Variants in TMEM132C observed in about 807,000 individuals in gnomAD.
TMEM132C encodes transmembrane protein 132C.
In TMEM132C, 29 loss-of-function variants were observed where a neutral mutation model predicts 61.4. The ratio of observed to expected loss-of-function variants is 0.47; its 90% CI spans 0.35 to 0.64. The LOEUF (loss-of-function observed/expected upper bound fraction) is 0.64. TMEM132C is among the 30% of genes least tolerant of loss of function. The pLI is 0.00. For synonymous variants in TMEM132C, 656 were observed against 633.1 expected (o/e 1.04, Z -0.54); for missense variants, 1,408 against 1,476.9 (o/e 0.95, Z 0.76).
chr12:128,281,356 G>A (rs1870890898), intron 1 of TMEM132C, among the ~76,000 whole-genome samples: 1 of 152,156 alleles, frequency 6.6e-6, no homozygotes, highest in African/African-American at 2.4e-5. Context: ...GGTCCTGTTT[G>A]GGAGGCAAGA....
intron 3 of TMEM132C, among the ~76,000 whole-genome samples, chr12:128,588,308 T>G (rs1440053064): frequency 2.6e-5 from 4 of 152,180 alleles, no homozygotes; most frequent in Non-Finnish European, 5.9e-5. Context: ...GGCATGTGCC[T>G]GTAATCTCAG....
chr12:128,669,647 A>C, intron 5 of TMEM132C, 87 bp downstream of exon 5: 1 of 1,474,382 alleles, frequency 6.8e-7, no homozygotes, highest in Non-Finnish European at 9.1e-7. Flanking sequence ...ACTGAAATAC[A>C]TGACGTTCAA....
At chr12:128,358,833 C>A (rs1043350687) in intron 1 of TMEM132C, among the ~76,000 whole-genome samples, 2 of 152,084 alleles carry the variant, frequency 1.3e-5, no homozygotes, top group African/African-American at 2.4e-5. Flanking sequence ...GTGAAGGAAA[C>A]CCTGCCCATA....
chr12:128,695,481 C>T (rs1031754761), intron 6 of TMEM132C, among the ~76,000 whole-genome samples: 2 of 152,024 alleles, frequency 1.3e-5, no homozygotes, highest in Non-Finnish European at 2.9e-5. Flanking sequence ...CTAGGATGGA[C>T]CACTGCACTT....
At chr12:128,442,409 C>G (rs1326217719) in intron 2 of TMEM132C, among the ~76,000 whole-genome samples, 2 of 152,198 alleles carry the variant, frequency 1.3e-5, no homozygotes, top group Non-Finnish European at 2.9e-5. Flanking sequence ...TTAGAACCAT[C>G]TGGAGAGAGA....
Position 128,614,271 on chromosome 12 carries a change from C to T in TMEM132C, c.1122-1881C>T, listed in dbSNP as rs1392755596. On this transcript the variant is annotated intron_variant, in intron 3 of 8. Transcript: ENST00000435159. Reference sequence around the variant, plus strand: ...TGGATAAGAAATATTTTAGGTTTTGCAGGCTCTACATTGACTGATGCAATT... The same window carrying T: ...TGGATAAGAAATATTTTAGGTTTTGTAGGCTCTACATTGACTGATGCAATT... Among the ~76,000 whole-genome samples, 3 of 152,210 alleles carry T rather than the reference C, an allele frequency of 2.0e-5. No homozygotes were observed. The East Asian group carries it at 5.8e-4, about 29-fold the overall frequency.
At chr12:128,609,296 G>GCCTCCCTGCAACACTGTAACCCCCA (rs1876546592) in intron 3 of TMEM132C, among the ~76,000 whole-genome samples, 1 of 117,436 alleles carries the variant, frequency 8.5e-6, no homozygotes, top group Admixed American at 9.6e-5. Flanking sequence ...TGTAGCCCCC[G>GCCTCCCTGCAACACTGTAACCCCCA]CCTCCCTGCA....
chr12:128,490,870 C>T (rs547432078), intron 2 of TMEM132C, among the ~76,000 whole-genome samples: 2 of 152,280 alleles, frequency 1.3e-5, no homozygotes, highest in Admixed American at 1.3e-4. Flanking sequence ...TAGCACTCTC[C>T]AGCCTTTCTT....
chr12:128,685,082 G>A (rs1377289544), intron 5 of TMEM132C, among the ~76,000 whole-genome samples: 1 of 152,140 alleles, frequency 6.6e-6, no homozygotes, highest in African/African-American at 2.4e-5. Context: ...CCCACATCCT[G>A]GGAAGCCTCC....
chr12:128,654,026 G>A lies in TMEM132C; in HGVS notation c.1306-15391G>A, dbSNP rs115366297. On this transcript the variant is annotated intron_variant, in intron 4 of 8. Transcript: ENST00000435159. ...CTCTGCTGTGTTGAATGTCAAATGT[G>A]GCAATGATTTATGTGAAAATTCTTT... Among the ~76,000 whole-genome samples the A allele has an allele frequency of 3.6e-3, 548 of 152,240 alleles. 2 individuals carry two copies. The highest frequency in any genetic ancestry group is 0.012 in the African/African-American group (517 of 41,522).
chr12:128,589,833 C>T (rs1439013050), intron 3 of TMEM132C, among the ~76,000 whole-genome samples: 2 of 152,070 alleles, frequency 1.3e-5, no homozygotes, highest in Non-Finnish European at 2.9e-5. Flanking sequence ...AGTTTTCTCA[C>T]CTGTAAAGTG....
chr12:128,294,614 CCA>C (rs1194088961), intron 1 of TMEM132C, among the ~76,000 whole-genome samples: 3 of 152,082 alleles, frequency 2.0e-5, no homozygotes, highest in Admixed American at 6.5e-5. Flanking sequence ...GTTCCAGAGC[CCA>C]GAGATCCAAG....
At chr12:128,394,979 C>G (rs1384181321) in intron 1 of TMEM132C, among the ~76,000 whole-genome samples, 1 of 151,222 alleles carries the variant, frequency 6.6e-6, no homozygotes, top group Non-Finnish European at 1.5e-5. Context: ...CCTTCTACTC[C>G]TCTTAGGTAA....
chr12:128,541,981 C>T (rs1873775925), intron 2 of TMEM132C, among the ~76,000 whole-genome samples: 1 of 152,212 alleles, frequency 6.6e-6, no homozygotes, highest in African/African-American at 2.4e-5. Flanking sequence ...CCCTGATACC[C>T]ATACCCAATG....
At chr12:128,511,755 T>C (rs1593080278) in intron 2 of TMEM132C, among the ~76,000 whole-genome samples, 2 of 152,276 alleles carry the variant, frequency 1.3e-5, no homozygotes, top group Admixed American at 1.3e-4. Context: ...GAGTGGATAG[T>C]GTATGGCCCG....
chr12:128,665,375 GCACA>G (rs34447670), intron 4 of TMEM132C, among the ~76,000 whole-genome samples: 62 of 131,184 alleles, frequency 4.7e-4, no homozygotes, highest in South Asian at 7.9e-4. Context: ...AAACACAGGT[GCACA>G]CACACACAGA....
chr12:128,278,631 C>A lies in TMEM132C; in HGVS notation c.85+11144C>A, dbSNP rs1475740518. Among the ~76,000 whole-genome samples, 1 of 152,166 alleles carries A rather than the reference C, an allele frequency of 6.6e-6. No individual in the cohort carries two copies. Among genetic ancestry groups the A allele is most frequent in the Non-Finnish European group, 1.5e-5 (1 of 68,036 alleles). On this transcript the variant is annotated intron_variant, in intron 1 of 8. Transcript: ENST00000435159. This position sits in a 1 kb window ranked among gnomAD's most constrained non-coding sequence, Gnocchi z 4.2. The stretch of plus-strand genomic sequence containing the variant: ...ACCATTCACAGAGGCAAGAAGCCTA[C>A]AAACATCAGCTTTTTACTAAACCCC...
At chr12:128,615,536 C>T (rs147090440) in intron 3 of TMEM132C, among the ~76,000 whole-genome samples, 40 of 152,232 alleles carry the variant, frequency 2.6e-4, no homozygotes, top group African/African-American at 8.9e-4. Flanking sequence ...TTTCATAAGG[C>T]GCACACAACC....
At chr12:128,346,910 A>T (rs1248943945) in intron 1 of TMEM132C, among the ~76,000 whole-genome samples, 1 of 152,160 alleles carries the variant, frequency 6.6e-6, no homozygotes, top group Non-Finnish European at 1.5e-5. Flanking sequence ...TAAGTCTCAA[A>T]ATCAGGAACT....
Sources: allele counts gnomAD v4.1 joint callset (sites outside exome capture counted in the v4.1 genomes callset), GRCh38; gene constraint gnomAD v4.1.1; non-coding constraint Gnocchi (gnomAD v3.1); transcripts MANE v1.5; gene names NCBI Gene and HGNC (gene_info 2026-07-23, HGNC 2026-07-21).